The following ABCA13 variants were observed in gnomAD, a reference collection of about 807,000 sequenced individuals.
The protein encoded by ABCA13 is ATP binding cassette subfamily A member 13, also known as ATP-binding cassette sub-family A member 13.
ABCA13 carries 476 observed loss-of-function variants against 478.7 expected under a neutral mutation model. The ratio of observed to expected loss-of-function variants is 0.99; its 90% CI spans 0.92 to 1.07. The LOEUF is 1.07. Ranked by LOEUF, ABCA13 falls within the 50% of genes least tolerant of loss-of-function variation. ABCA13 has a pLI of 0.00. For missense variants in ABCA13, 6,060 were observed against 5,910.6 expected (o/e 1.03, Z -0.83); for synonymous variants, 2,252 against 2,158.9 (o/e 1.04, Z -1.20).
intron 55 of ABCA13, among the ~76,000 whole-genome samples, chr7:48,562,137 T>A (rs1786532953): frequency 6.6e-6 from 1 of 151,594 alleles, no homozygotes; most frequent in Admixed American, 6.6e-5. Flanking sequence ...TTTGCCTGCC[T>A]TTTTTTTCTT....
At chr7:48,268,850 CTTTTTTTTTT>C (rs57201740) in intron 15 of ABCA13, 120 bp from the exon 16 acceptor site, 24 of 245,570 alleles carry the variant, frequency 9.8e-5, no homozygotes, top group African/African-American at 3.5e-4. Flanking sequence ...TCCTACTCAT[CTTTTTTTTTT>C]TTTTTTTTTT....
chr7:48,203,655 A>G (rs1308134555), intron 3 of ABCA13, among the ~76,000 whole-genome samples: 1 of 152,252 alleles, frequency 6.6e-6, no homozygotes, highest in Non-Finnish European at 1.5e-5. Context: ...GAAGCACTGC[A>G]GGCAACAGAA....
rs936994565 is a variant in ABCA13 at position 48,544,744 on chromosome 7, A to G, written c.14354+16399A>G. Among the ~76,000 whole-genome samples, 7 of 151,904 alleles carry G rather than the reference A, an allele frequency of 4.6e-5. 1 individual carries two copies. The highest frequency in any genetic ancestry group is 9.7e-5 in the African/African-American group (4 of 41,436). ...TTCTGTGAGCCATTCTAGCAAATTA[A>G]TCAAACCCAAGAAGAGGGTCATAGG... On this transcript the variant is annotated intron_variant, in intron 55 of 61. Transcript: ENST00000435803.
rs182283997 is a variant in ABCA13 at position 48,609,703 on chromosome 7, T to G, written c.14745-5582T>G. Among the ~76,000 whole-genome samples the G allele has an allele frequency of 1.4e-3, 211 of 152,338 alleles. 2 individuals are homozygous for G. The highest frequency in any genetic ancestry group is 4.8e-3 in the African/African-American group (201 of 41,576). On this transcript the variant is annotated intron_variant, in intron 58 of 61. Coordinates refer to ENST00000435803, the MANE Select transcript of ABCA13 (RefSeq NM_152701.5). ...TTGCCTAGCCATATTTCTGTACTAA[T>G]TAGATTATCCAGCCATACAGGAAAT...
At chr7:48,507,327 T>C (rs1585636928) in intron 49 of ABCA13, among the ~76,000 whole-genome samples, 1 of 152,196 alleles carries the variant, frequency 6.6e-6, no homozygotes, top group Non-Finnish European at 1.5e-5. Flanking sequence ...GCAATTGACT[T>C]GAGTAAAAGT....
At chr7:48,451,876 A>T (rs1053186068) in intron 42 of ABCA13, among the ~76,000 whole-genome samples, 3 of 152,202 alleles carry the variant, frequency 2.0e-5, no homozygotes, top group African/African-American at 7.2e-5. Context: ...GATAAATGGG[A>T]ATGCATGATT....
At position 48,403,797 on chromosome 7, in the gene ABCA13, C is replaced by T. The variant is rs199785430; in HGVS notation, c.11988C>T (p.Thr3996=). 163 of 1,613,920 alleles carry T rather than the reference C, an allele frequency of 1.0e-4. No individual in the cohort carries two copies. The highest frequency in any genetic ancestry group is 4.5e-4 in the African/African-American group (34 of 75,036). The change falls in exon 39 of 62, where the codon ACC becomes ACT. Residue 3996 remains threonine, a synonymous_variant. Transcript: ENST00000435803. ...LGIAFMGMSR[T]VVLDEPTSGV... ...TTGCTTTCATGGGCATGTCGAGGACCGTGGTTCTGGATGAGCCCACCAGTG... is the reference window on the plus strand; with the variant it reads ...TTGCTTTCATGGGCATGTCGAGGACTGTGGTTCTGGATGAGCCCACCAGTG...
chr7:48,511,003 G>T (rs756634378), intron 50 of ABCA13, 81 bp from the exon 51 acceptor site: 54 of 1,149,658 alleles, frequency 4.7e-5, no homozygotes, highest in Non-Finnish European at 6.3e-5. Flanking sequence ...GAAGTTGAAA[G>T]GAAACTTCAG....
chr7:48,438,909 A>G (rs561415575), intron 42 of ABCA13, among the ~76,000 whole-genome samples: 1 of 150,260 alleles, frequency 6.7e-6, no homozygotes, highest in African/African-American at 2.5e-5. Flanking sequence ...TAAAAAACTA[A>G]TGATCTAACC....
At position 48,376,466 on chromosome 7, in the gene ABCA13, G is replaced by T. The variant is rs779573325; in HGVS notation, c.11229G>T (p.Gln3743His). 4.3e-6 allele frequency: 7 copies of T among 1,613,818 alleles called. No homozygotes were observed. The highest frequency in any genetic ancestry group is 5.9e-6 in the Non-Finnish European group (7 of 1,179,824). ...ETGIQWNNMY[Q>H]ALEQGGMTFG... ...GGATTCAATGGAATAATATGTACCA[G>T]GCTCTGGAACAAGGGGGCATGACAT... Residue 3743 changes from glutamine (Q) to histidine (H), a missense_variant, in exon 35 of 62, where the codon CAG becomes CAT. Around this residue, in one of 3 missense-constraint regions of ABCA13, gnomAD observed 4,423 missense variants for 4,309.1 expected, o/e 1.03. Transcript: ENST00000435803.
chr7:48,355,794 G>A (rs1367562487), intron 31 of ABCA13, among the ~76,000 whole-genome samples: 2 of 151,962 alleles, frequency 1.3e-5, no homozygotes, highest in Non-Finnish European at 2.9e-5. Context: ...TAACTGGATT[G>A]CTGGAATTAT....
At chr7:48,548,743 A>G (rs901912816) in intron 55 of ABCA13, among the ~76,000 whole-genome samples, 16 of 151,708 alleles carry the variant, frequency 1.1e-4, no homozygotes, top group Admixed American at 7.9e-4. Context: ...TGCTCTCGTT[A>G]CATAGAAACT....
intron 44 of ABCA13, among the ~76,000 whole-genome samples, chr7:48,468,691 G>T (rs1827151825): frequency 6.6e-6 from 1 of 152,192 alleles, no homozygotes; most frequent in African/African-American, 2.4e-5. Flanking sequence ...CTCCTTGGAA[G>T]ACTTGGGCAA....
intron 5 of ABCA13, among the ~76,000 whole-genome samples, chr7:48,224,684 G>A (rs925595279): frequency 6.6e-6 from 1 of 152,112 alleles, no homozygotes; most frequent in Non-Finnish European, 1.5e-5. Context: ...CTTGAAACAA[G>A]AGGAGCTTCT....
intron 35 of ABCA13, among the ~76,000 whole-genome samples, chr7:48,378,652 A>G (rs1051637572): frequency 2.0e-5 from 3 of 152,146 alleles, no homozygotes; most frequent in Non-Finnish European, 2.9e-5. Flanking sequence ...CAGTCTCACA[A>G]TATGGCTCAT....
rs1476849505 is a variant in ABCA13, at chr7:48,511,120, G to A, written c.13561G>A (p.Val4521Ile). ...YLVSVCLCVA[V>I]IVAFQLTAFT... ...GGTTTCCGTCTGCCTGTGTGTTGCC[G>A]TTATTGTCGCCTTCCAGTTAACAGC... Residue 4521 changes from valine to isoleucine, a missense_variant, in exon 51 of 62, where the codon GTT becomes ATT. Around this residue, in one of 3 missense-constraint regions of ABCA13, gnomAD observed 1,627 missense variants for 1,571.0 expected, o/e 1.04. Transcript: ENST00000435803. The A allele has an allele frequency of 6.8e-6, 11 of 1,613,424 alleles. No individual in the cohort carries two copies. The highest frequency in any genetic ancestry group is 3.3e-5 in the Admixed American group (2 of 59,978).
At chr7:48,491,032 A>G (rs971336891) in intron 48 of ABCA13, among the ~76,000 whole-genome samples, 2 of 152,328 alleles carry the variant, frequency 1.3e-5, no homozygotes, top group African/African-American at 4.8e-5. Flanking sequence ...GATGGGAATA[A>G]AAAAGATTTT....
intron 48 of ABCA13, among the ~76,000 whole-genome samples, chr7:48,505,307 T>G (rs1831103573): frequency 6.6e-6 from 1 of 152,114 alleles, no homozygotes; most frequent in South Asian, 2.1e-4. Flanking sequence ...CTGTTGGAAG[T>G]TTGGAGCACT....
At chr7:48,228,688 G>T (rs1231465213) in intron 6 of ABCA13, among the ~76,000 whole-genome samples, 1 of 152,230 alleles carries the variant, frequency 6.6e-6, no homozygotes, top group African/African-American at 2.4e-5. Context: ...AAATTTGAAT[G>T]TAGCTTTCCA....
Sources: allele counts gnomAD v4.1 joint callset (sites outside exome capture counted in the v4.1 genomes callset), GRCh38; gene constraint gnomAD v4.1.1; regional missense constraint gnomAD v4.1.1; transcripts MANE v1.5; gene names NCBI Gene and HGNC (gene_info 2026-07-23, HGNC 2026-07-21).